PDSS2: variants seen among roughly 807,000 people sequenced by gnomAD.
The protein encoded by PDSS2 is decaprenyl diphosphate synthase subunit 2.
In PDSS2, 31 loss-of-function variants were observed where a neutral mutation model predicts 44.5. The ratio of observed to expected loss-of-function variants is 0.70; its 90% confidence interval spans 0.52 to 0.94. The LOEUF is 0.94. PDSS2 is among the 40% of genes least tolerant of loss of function. PDSS2 has a pLI of 0.00. For missense variants in PDSS2, 452 were observed against 482.2 expected, an observed-to-expected ratio of 0.94 and a Z score of 0.59; for synonymous variants, 157 against 180.3, an observed-to-expected ratio of 0.87 and a Z score of 1.03.
chr6:107,270,476 A>T (rs1775565834), intron 3 of PDSS2, among the ~76,000 whole-genome samples: 1 of 152,068 alleles, frequency 6.6e-6, no homozygotes, highest in African/African-American at 2.4e-5. Flanking sequence ...ATCTGACATC[A>T]GTTACAACTC....
intron 4 of PDSS2, among the ~76,000 whole-genome samples, chr6:107,222,199 C>A: frequency 6.6e-6 from 1 of 151,660 alleles, no homozygotes; most frequent in African/African-American, 2.4e-5. Context: ...TAAAAAAGGT[C>A]AAGTATAGAA....
Position 107,154,542 on chromosome 6 carries a change from A to T in PDSS2, c.*77T>A. 2 of 1,319,510 alleles carry T rather than the reference A, an allele frequency of 1.5e-6. No homozygotes were observed. 81.7% of individuals were successfully genotyped at this position (1,319,510 alleles called of 1,614,324 possible). A position where few individuals can be genotyped will look rare whatever the true frequency, so the allele number is the denominator to read the frequency against. ...CATATGTTTTAAAAGTCATTAACGC[A>T]TCGTGAAAGCGCTCCCAATCAACCT... On this transcript the variant is annotated 3_prime_UTR_variant, in exon 8 of 8. Coordinates refer to ENST00000369037, the MANE Select transcript of PDSS2 (RefSeq NM_020381.4).
intron 2 of PDSS2, among the ~76,000 whole-genome samples, chr6:107,327,853 G>A (rs909044675): frequency 6.6e-6 from 1 of 152,194 alleles, no homozygotes; most frequent in East Asian, 1.9e-4. Context: ...TTTAGAATCT[G>A]GTTATAGCTC....
chr6:107,189,045 G>T (rs576155115), intron 7 of PDSS2, among the ~76,000 whole-genome samples: 1 of 152,240 alleles, frequency 6.6e-6, no homozygotes, highest in African/African-American at 2.4e-5. Flanking sequence ...GAGTAGCCAG[G>T]ACTATAGGTG....
At chr6:107,320,219 T>C (rs1777339954) in intron 2 of PDSS2, among the ~76,000 whole-genome samples, 1 of 152,174 alleles carries the variant, frequency 6.6e-6, no homozygotes, top group African/African-American at 2.4e-5. Flanking sequence ...GGAAACTTGT[T>C]TTGCGTCGCA....
At chr6:107,296,586 G>A (rs957100208) in intron 2 of PDSS2, among the ~76,000 whole-genome samples, 3 of 152,114 alleles carry the variant, frequency 2.0e-5, no homozygotes, top group South Asian at 2.1e-4. Flanking sequence ...AATTAGCTGG[G>A]CGTGGTGGCA....
At chr6:107,274,610 A>T (rs1007209199) in intron 2 of PDSS2, among the ~76,000 whole-genome samples, 2 of 151,668 alleles carry the variant, frequency 1.3e-5, no homozygotes, top group Non-Finnish European at 2.9e-5. Context: ...AATTTAAGTG[A>T]GAATATAATC....
intron 2 of PDSS2, among the ~76,000 whole-genome samples, chr6:107,313,919 G>A (rs913168482): frequency 6.6e-6 from 1 of 152,106 alleles, no homozygotes; most frequent in Admixed American, 6.5e-5. Flanking sequence ...GGGAGGCTGA[G>A]GCTGAAGGAT....
chr6:107,299,755 G>A (rs1776633839), intron 2 of PDSS2, among the ~76,000 whole-genome samples: 1 of 152,046 alleles, frequency 6.6e-6, no homozygotes, highest in African/African-American at 2.4e-5. Flanking sequence ...CTATAACTCT[G>A]CCACTCTTTG....
chr6:107,400,303 A>G (rs1780067876), intron 1 of PDSS2, among the ~76,000 whole-genome samples: 1 of 152,232 alleles, frequency 6.6e-6, no homozygotes, highest in Non-Finnish European at 1.5e-5. Flanking sequence ...AATAGGCAGC[A>G]GTCAATGATT....
intron 4 of PDSS2, among the ~76,000 whole-genome samples, chr6:107,215,666 TA>T (rs1205118647): frequency 2.6e-5 from 4 of 152,110 alleles, no homozygotes; most frequent in Non-Finnish European, 4.4e-5. Context: ...GAGATTCAAC[TA>T]AAAAACTACT....
At chr6:107,420,414 T>G (rs542861847) in intron 1 of PDSS2, among the ~76,000 whole-genome samples, 44 of 152,326 alleles carry the variant, frequency 2.9e-4, no homozygotes, top group African/African-American at 8.9e-4. Flanking sequence ...GAAGAATCAC[T>G]CTGCCTTATA....
intron 2 of PDSS2, among the ~76,000 whole-genome samples, chr6:107,276,617 G>T (rs1267708022): frequency 1.3e-5 from 2 of 152,186 alleles, no homozygotes; most frequent in African/African-American, 4.8e-5. Flanking sequence ...AAATATTGGG[G>T]CCAGAGGGCA....
At chr6:107,240,484 C>T (rs556409109) in intron 4 of PDSS2, among the ~76,000 whole-genome samples, 2 of 151,172 alleles carry the variant, frequency 1.3e-5, no homozygotes, top group African/African-American at 2.4e-5. Context: ...CTGCAAACTC[C>T]ACCTCCCAGG....
At chr6:107,348,144 G>A (rs1352599990) in intron 1 of PDSS2, among the ~76,000 whole-genome samples, 1 of 152,188 alleles carries the variant, frequency 6.6e-6, no homozygotes, top group African/African-American at 2.4e-5. Flanking sequence ...TTTTTTTGGG[G>A]TTAAGGTGAT....
At position 107,378,207 on chromosome 6, in the gene PDSS2, G is replaced by T. The variant is rs141683760; in HGVS notation, c.297-43875C>A. On this transcript the variant is annotated intron_variant, in intron 1 of 7. Coordinates refer to ENST00000369037, the MANE Select transcript of PDSS2 (RefSeq NM_020381.4). Reference sequence around the variant, plus strand: ...AAATGAATTTTCCCCCTAACATTTGGAACAAGGTAGAAACATCCACTCACA... The same window carrying T: ...AAATGAATTTTCCCCCTAACATTTGTAACAAGGTAGAAACATCCACTCACA... Among the ~76,000 whole-genome samples the T allele has an allele frequency of 2.6e-4, 38 of 148,866 alleles. 1 individual carries two copies. The East Asian group carries it at 6.3e-3, about 25-fold the overall frequency.
intron 7 of PDSS2, among the ~76,000 whole-genome samples, chr6:107,187,809 C>T (rs1294939429): frequency 2.6e-5 from 4 of 152,180 alleles, no homozygotes; most frequent in Non-Finnish European, 5.9e-5. Context: ...CTATGTAAGC[C>T]TGTGCTAGGG....
chr6:107,213,130 C>T (rs925877623), intron 4 of PDSS2, among the ~76,000 whole-genome samples: 2 of 151,942 alleles, frequency 1.3e-5, no homozygotes, highest in Admixed American at 1.3e-4. Flanking sequence ...CCATCTCAGC[C>T]TCCCAAGTAG....
At chr6:107,216,290 T>A (rs1339917236) in intron 4 of PDSS2, among the ~76,000 whole-genome samples, 1 of 151,840 alleles carries the variant, frequency 6.6e-6, no homozygotes, top group Non-Finnish European at 1.5e-5. Flanking sequence ...CTGACCAACA[T>A]GGTGAAACCC....
Sources: allele counts gnomAD v4.1 joint callset (sites outside exome capture counted in the v4.1 genomes callset), GRCh38; gene constraint gnomAD v4.1.1; transcripts MANE v1.5; gene names NCBI Gene and HGNC (gene_info 2026-07-23, HGNC 2026-07-21).